Variants in PCDHGA2 observed in about 807,000 individuals in gnomAD.
The protein encoded by PCDHGA2 is protocadherin gamma subfamily A, 2.
In PCDHGA2, 40 loss-of-function variants were observed where a neutral mutation model predicts 59.2. The ratio of observed to expected loss-of-function variants is 0.68; its 90% CI spans 0.52 to 0.88. The LOEUF is 0.88. PCDHGA2 is among the 40% of genes least tolerant of loss of function. The pLI is 0.00. For missense variants in PCDHGA2, 1,226 were observed against 1,204.0 expected, an observed-to-expected ratio of 1.02 and a Z score of -0.27; for synonymous variants, 560 against 526.0, an observed-to-expected ratio of 1.06 and a Z score of -0.89.
Position 141,346,178 on chromosome 5 carries a change from G to A in PCDHGA2, c.2424+4783G>A, listed in dbSNP as rs770120119. 8.1e-6 allele frequency: 13 copies of A among 1,614,056 alleles called. No homozygotes were observed. The South Asian group carries it at 8.8e-5, about 11-fold the overall frequency. ...TCGTCATCGTGCTGCTGGCGCTCAG[G>A]CTGCGGCGCTGGCACAAGTCACGCC... is the stretch of plus-strand genomic sequence containing the variant. On this transcript the variant is annotated intron_variant, in intron 1 of 3. Transcript: ENST00000394576.
At chr5:141,420,341 G>A in intron 1 of PCDHGA2, 5 of 1,391,412 alleles carry the variant, frequency 3.6e-6, no homozygotes, top group Middle Eastern at 1.9e-4. Context: ...CAATATAGTG[G>A]TATTATTTTA....
intron 1 of PCDHGA2, chr5:141,378,539 A>G (rs891154115): frequency 5.3e-5 from 8 of 152,296 alleles, no homozygotes; most frequent in African/African-American, 1.9e-4. Flanking sequence ...TAATAATGAT[A>G]ATTAATAAAT....
chr5:141,443,999 T>C (rs2098413024), intron 1 of PCDHGA2, among the ~76,000 whole-genome samples: 1 of 152,136 alleles, frequency 6.6e-6, no homozygotes, highest in Non-Finnish European at 1.5e-5. Context: ...TTTTAAATGC[T>C]ACCTGGGTAT....
chr5:141,351,929 C>A, intron 1 of PCDHGA2: 1 of 1,613,302 alleles, frequency 6.2e-7, no homozygotes, highest in Non-Finnish European at 8.5e-7. Flanking sequence ...CAATGCGCCA[C>A]GGGTGCTGTA....
rs1276134508 is a variant in PCDHGA2, at chr5:141,344,995, C to T, written c.2424+3600C>T. 45 of 1,613,792 alleles carry T rather than the reference C, an allele frequency of 2.8e-5. No homozygotes were observed. The highest frequency in any genetic ancestry group is 3.6e-5 in the Non-Finnish European group (42 of 1,179,862). ...ATGTTCTATGAAATTAAAATTGAAG[C>T]ACAGGATGGACCAGGTCTTCTTTCA... On this transcript the variant is annotated intron_variant, in intron 1 of 3. Transcript: ENST00000394576.
rs1015619417 is a variant in PCDHGA2 at position 141,455,526 on chromosome 5, C to T, written c.2425-39281C>T. Among the ~76,000 whole-genome samples the T allele has an allele frequency of 2.0e-5, 3 of 152,106 alleles. 1 individual carries two copies. Among genetic ancestry groups the T allele is most frequent in the South Asian group, 4.1e-4 (2 of 4,826 alleles). ...CATAGGGCTCAGGGGATTGGTTTGA[C>T]CAGGCATATCATTCACGTAGCCCGA... On this transcript the variant is annotated intron_variant, in intron 1 of 3. Coordinates refer to ENST00000394576, the MANE Select transcript of PCDHGA2 (RefSeq NM_018915.4).
intron 1 of PCDHGA2, chr5:141,423,613 GA>G (rs1164845631): frequency 1.9e-6 from 3 of 1,610,782 alleles, no homozygotes; most frequent in Admixed American, 1.7e-5. Context: ...CTTGATAGCT[GA>G]AGACTCAGCT....
Position 141,354,886 on chromosome 5 carries a change from C to T in PCDHGA2, c.2424+13491C>T, listed in dbSNP as rs1759661341. The T allele has an allele frequency of 1.1e-5, 4 of 380,470 alleles. No individual in the cohort carries two copies. The East Asian group carries it at 1.6e-4, about 15-fold the overall frequency. The allele number at this position is 380,470 out of a possible 1,614,324, so 23.6% of individuals were successfully genotyped here. ...AAAAACAGGAATTTGACTTTATTAT[C>T]TTGGGAGAAATAGGAATAGAAAAGT... is the stretch of plus-strand genomic sequence containing the variant. On this transcript the variant is annotated intron_variant, in intron 1 of 3. Transcript: ENST00000394576.
chr5:141,432,227 T>C lies in PCDHGA2; in HGVS notation c.2425-62580T>C, dbSNP rs1046414550. On this transcript the variant is annotated intron_variant, in intron 1 of 3. Coordinates refer to ENST00000394576, the MANE Select transcript of PCDHGA2 (RefSeq NM_018915.4). This position sits in a 1 kb window ranked among gnomAD's most constrained non-coding sequence, Gnocchi z 6.0. ...TGAAGAGAACGCCCAGATCACTTATTCCCTGGCTGAGAACACCATCCAAGG... is the reference window on the plus strand; with the variant it reads ...TGAAGAGAACGCCCAGATCACTTATCCCCTGGCTGAGAACACCATCCAAGG... 1.4e-5 allele frequency: 22 copies of C among 1,614,080 alleles called. No individual in the cohort carries two copies. The highest frequency in any genetic ancestry group is 1.8e-5 in the Non-Finnish European group (21 of 1,180,042).
At chr5:141,350,651 G>A (rs1261429657) in intron 1 of PCDHGA2, 4 of 1,613,914 alleles carry the variant, frequency 2.5e-6, no homozygotes, top group East Asian at 4.5e-5. Context: ...ACCACGTTTC[G>A]TTGCAAAAGG....
intron 1 of PCDHGA2, chr5:141,375,358 G>T: frequency 6.2e-7 from 1 of 1,613,810 alleles, no homozygotes; most frequent in Non-Finnish European, 8.5e-7. Flanking sequence ...TGACAGCCAC[G>T]GACAAAGGAA....
chr5:141,457,498 G>A (rs193168963), intron 1 of PCDHGA2, among the ~76,000 whole-genome samples: 23 of 152,246 alleles, frequency 1.5e-4, no homozygotes, highest in African/African-American at 4.3e-4. Flanking sequence ...TAAAATGTAG[G>A]CAAAAAGCTT....
At chr5:141,344,903 G>T (rs750934380) in intron 1 of PCDHGA2, 24 of 1,613,758 alleles carry the variant, frequency 1.5e-5, no homozygotes, top group Non-Finnish European at 1.9e-5. Flanking sequence ...AAATCGCTGA[G>T]ATTTTCCATC....
At position 141,407,135 on chromosome 5, in the gene PCDHGA2, G is replaced by GA. The variant is rs796659459; in HGVS notation, c.2424+65748dup. The stretch of plus-strand genomic sequence containing the variant: ...TGGGTTTCAGTTGCTTTATTTTTAA[G>GA]AAAAAAAAGCTGAAGTGTCTGGGAA... On this transcript the variant is annotated intron_variant, in intron 1 of 3. Coordinates refer to ENST00000394576, the MANE Select transcript of PCDHGA2 (RefSeq NM_018915.4). 3.3e-5 allele frequency among the ~76,000 whole-genome samples: 5 copies of GA among 151,810 alleles called. No homozygotes were observed. In the South Asian group the frequency reaches 6.2e-4, roughly 19 times the overall value.
chr5:141,399,831 TG>T (rs1368149251), intron 1 of PCDHGA2: 1 of 1,613,172 alleles, frequency 6.2e-7, no homozygotes, highest in South Asian at 1.1e-5. Flanking sequence ...CCGACGGCTC[TG>T]CGCTCTTCGA....
At chr5:141,457,330 A>G (rs2098916985) in intron 1 of PCDHGA2, among the ~76,000 whole-genome samples, 1 of 152,174 alleles carries the variant, frequency 6.6e-6, no homozygotes, top group Non-Finnish European at 1.5e-5. Flanking sequence ...GGTTACAGGT[A>G]CCTTACTTAC....
At chr5:141,423,341 TC>T (rs767448191) in intron 1 of PCDHGA2, 181 of 1,614,176 alleles carry the variant, frequency 1.1e-4, no homozygotes, top group Admixed American at 2.7e-4. Context: ...TCCTGCATCT[TC>T]CTGGTCTTTG....
At chr5:141,374,111 C>G (rs1169979924) in intron 1 of PCDHGA2, 3 of 1,576,926 alleles carry the variant, frequency 1.9e-6, no homozygotes, top group African/African-American at 1.4e-5. Context: ...GCATCCGCAG[C>G]GCAGCGAGCA....
Position 141,487,070 on chromosome 5 carries a change from C to A in PCDHGA2, c.2425-7737C>A, listed in dbSNP as rs1365482479. The A allele has an allele frequency of 6.2e-7, 1 of 1,614,036 alleles. No individual in the cohort carries two copies. The highest frequency in any genetic ancestry group is 8.5e-7 in the Non-Finnish European group (1 of 1,180,016). ...TGCTGGGGAGGTGCGGACGGCTGTT[C>A]CTATCCCAGCTGACCTCCCACCACA... is the stretch of plus-strand genomic sequence containing the variant. On this transcript the variant is annotated intron_variant, in intron 1 of 3. Coordinates refer to ENST00000394576, the MANE Select transcript of PCDHGA2 (RefSeq NM_018915.4). The surrounding 1 kb of genome is among the most constrained non-coding windows in gnomAD (Gnocchi z 5.0).
Sources: gnomAD v4.1 joint callset for allele counts (sites outside exome capture counted in the v4.1 genomes callset) on GRCh38, gnomAD v4.1.1 for gene constraint, Gnocchi (gnomAD v3.1) non-coding constraint, MANE v1.5 for transcripts, NCBI Gene and HGNC (gene_info 2026-07-23, HGNC 2026-07-21) for gene names.